PPFIA2: variants seen among roughly 807,000 people sequenced by gnomAD.
The protein encoded by PPFIA2 is liprin-alpha-2.
PPFIA2 carries 46 observed loss-of-function variants against 175.5 expected under a neutral mutation model. The observed-to-expected ratio is 0.26, with a 90% CI of 0.21 to 0.34. PPFIA2 has a LOEUF of 0.34. Ranked by LOEUF, PPFIA2 falls within the 10% of genes least tolerant of loss-of-function variation. The pLI is 1.00. For missense variants in PPFIA2, 1,179 were observed against 1,506.1 expected (o/e 0.78, Z 3.60); for synonymous variants, 568 against 511.4 (o/e 1.11, Z -1.49).
chr12:81,598,196 T>C, intron 4 of PPFIA2: 1 of 1,360,464 alleles, frequency 7.4e-7, no homozygotes, highest in Non-Finnish European at 9.4e-7. Flanking sequence ...ATTGTTCTTC[T>C]ACATTTGAAA....
At chr12:81,533,481 GAGTT>G (rs1203603532) in intron 4 of PPFIA2, among the ~76,000 whole-genome samples, 1 of 151,474 alleles carries the variant, frequency 6.6e-6, no homozygotes, top group Non-Finnish European at 1.5e-5. Flanking sequence ...AGATTACACT[GAGTT>G]ACAGACTTTC....
intron 7 of PPFIA2, among the ~76,000 whole-genome samples, chr12:81,436,690 G>A (rs768873934): frequency 4.0e-5 from 6 of 151,886 alleles, no homozygotes; most frequent in Non-Finnish European, 7.4e-5. Flanking sequence ...TGATTTTTTC[G>A]TAATTTCATT....
chr12:81,557,987 T>C (rs1488238360), intron 4 of PPFIA2, among the ~76,000 whole-genome samples: 1 of 152,136 alleles, frequency 6.6e-6, no homozygotes, highest in African/African-American at 2.4e-5. Context: ...ATCTCTGGAA[T>C]TGGTGGTCCT....
At position 81,566,720 on chromosome 12, in the gene PPFIA2, G is replaced by A. The variant is rs550235603; in HGVS notation, c.304-108854C>T. 5.3e-5 allele frequency among the ~76,000 whole-genome samples: 8 copies of A among 152,150 alleles called. No homozygotes were observed. The South Asian group carries it at 1.7e-3, about 32-fold the overall frequency. On this transcript the variant is annotated intron_variant, in intron 4 of 32. Coordinates refer to ENST00000549396, the MANE Select transcript of PPFIA2 (RefSeq NM_003625.5). ...TAGGGGGATATACACTCATTGCAATGGATTCCTGTAAGATTTCAGTGGTTA... is the reference window on the plus strand; with the variant it reads ...TAGGGGGATATACACTCATTGCAATAGATTCCTGTAAGATTTCAGTGGTTA...
intron 4 of PPFIA2, among the ~76,000 whole-genome samples, chr12:81,615,488 T>G (rs927323476): frequency 6.6e-6 from 1 of 152,108 alleles, no homozygotes; most frequent in Non-Finnish European, 1.5e-5. Flanking sequence ...TTCCAACAAT[T>G]AGAGCCCTGG....
chr12:81,268,021 G>A lies in PPFIA2; in HGVS notation c.3377C>T (p.Ala1126Val). 1 of 1,595,276 alleles carries A rather than the reference G, an allele frequency of 6.3e-7. No individual in the cohort carries two copies. Among genetic ancestry groups the A allele is most frequent in the South Asian group, 1.1e-5 (1 of 87,910 alleles). The change falls in exon 29 of 33, where the codon GCA (alanine) becomes GTA (valine). Residue 1126 changes from alanine to valine, a missense_variant. Transcript: ENST00000549396. ...WIQAIGLREYANNILESGVHG... is the reference protein window; with the variant it reads ...WIQAIGLREYVNNILESGVHG... ...CACACCGCTCTCAAGTATATTATTT[G>A]CATATTCTCGAAGTCCAATTGCTTG...
At chr12:81,533,970 T>C (rs1020155924) in intron 4 of PPFIA2, among the ~76,000 whole-genome samples, 1 of 151,506 alleles carries the variant, frequency 6.6e-6, no homozygotes, top group Non-Finnish European at 1.5e-5. Context: ...ATATACACAA[T>C]AGAATACAAT....
At chr12:81,356,345 A>T (rs1277934717) in intron 16 of PPFIA2, among the ~76,000 whole-genome samples, 2 of 151,972 alleles carry the variant, frequency 1.3e-5, no homozygotes, top group East Asian at 3.9e-4. Context: ...TAACAGATAT[A>T]ATAATAATAA....
At chr12:81,386,473 T>A (rs2142067696) in intron 8 of PPFIA2, among the ~76,000 whole-genome samples, 1 of 150,650 alleles carries the variant, frequency 6.6e-6, no homozygotes, top group South Asian at 2.1e-4. Context: ...AATAGGAAAA[T>A]TAGCCAGGTG....
At chr12:81,650,630 T>C (rs2066893634) in intron 4 of PPFIA2, among the ~76,000 whole-genome samples, 1 of 152,142 alleles carries the variant, frequency 6.6e-6, no homozygotes, top group Non-Finnish European at 1.5e-5. Flanking sequence ...AAAACTAGAT[T>C]GCTGAGGTTG....
At chr12:81,471,686 C>T (rs2056756477) in intron 4 of PPFIA2, among the ~76,000 whole-genome samples, 1 of 151,776 alleles carries the variant, frequency 6.6e-6, no homozygotes, top group Non-Finnish European at 1.5e-5. Context: ...GGATCATATG[C>T]TCATCTTATT....
At chr12:81,485,018 A>C (rs918716511) in intron 4 of PPFIA2, among the ~76,000 whole-genome samples, 13 of 151,926 alleles carry the variant, frequency 8.6e-5, no homozygotes, top group Admixed American at 8.6e-4. Context: ...TATTTTATAT[A>C]GTAGGTGAAA....
At chr12:81,631,827 A>G (rs1157485315) in intron 4 of PPFIA2, among the ~76,000 whole-genome samples, 1 of 152,216 alleles carries the variant, frequency 6.6e-6, no homozygotes, top group Non-Finnish European at 1.5e-5. Context: ...AGTAATCATC[A>G]TATTTTCCTC....
chr12:81,649,136 T>C (rs2066627916), intron 4 of PPFIA2, among the ~76,000 whole-genome samples: 1 of 152,102 alleles, frequency 6.6e-6, no homozygotes, highest in South Asian at 2.1e-4. Flanking sequence ...AATTGCTCTT[T>C]GAAAGGCACT....
At chr12:81,598,466 T>C in intron 4 of PPFIA2, 1 of 758,984 alleles carries the variant, frequency 1.3e-6, no homozygotes, top group Non-Finnish European at 1.6e-6. Context: ...CAGGGAAGCA[T>C]GCACAGTGTA....
rs779326718 is a variant in PPFIA2, at chr12:81,685,658, A to T, written c.250-8814T>A. Among the ~76,000 whole-genome samples the T allele has an allele frequency of 2.6e-3, 402 of 152,166 alleles. 2 individuals are homozygous for T. Among genetic ancestry groups the T allele is most frequent in the Non-Finnish European group, 3.6e-3 (243 of 67,974 alleles). Reference sequence around the variant, plus strand: ...TTTAAGGATTTTTCAGTCCAAAAGCACATAAATCTGCAGAACAACATGAGG... The same window carrying T: ...TTTAAGGATTTTTCAGTCCAAAAGCTCATAAATCTGCAGAACAACATGAGG... On this transcript the variant is annotated intron_variant, in intron 3 of 32. Transcript: ENST00000549396.
chr12:81,578,196 T>G (rs1472348338), intron 4 of PPFIA2, among the ~76,000 whole-genome samples: 2 of 151,638 alleles, frequency 1.3e-5, no homozygotes, highest in Non-Finnish European at 2.9e-5. Context: ...TGAAATGCCT[T>G]CATGATCTCA....
intron 5 of PPFIA2, among the ~76,000 whole-genome samples, chr12:81,449,752 T>C (rs1466524123): frequency 6.6e-5 from 10 of 151,932 alleles, no homozygotes; most frequent in African/African-American, 2.4e-4. Flanking sequence ...ACTCGTCATT[T>C]ACATTAGGTA....
rs1478936753 is a variant in PPFIA2 at position 81,603,870 on chromosome 12, T to TTACTG, written c.303+72916_303+72920dup. On this transcript the variant is annotated intron_variant, in intron 4 of 32. Transcript: ENST00000549396. ...AAGCCCTGTCCATTACACCTGTCCC[T>TTACTG]TACTGTTTTCCTTTCTCTTCCACAT... 1.7e-4 allele frequency among the ~76,000 whole-genome samples: 25 copies of TTACTG among 149,842 alleles called. 1 individual carries two copies. The highest frequency in any genetic ancestry group is 6.1e-4 in the African/African-American group (25 of 40,966).
Sources: gnomAD v4.1 joint callset for allele counts (sites outside exome capture counted in the v4.1 genomes callset) on GRCh38, gnomAD v4.1.1 for gene constraint, MANE v1.5 for transcripts, NCBI Gene and HGNC (gene_info 2026-07-23, HGNC 2026-07-21) for gene names.